The following MAP2 variants were observed in gnomAD, a reference collection of about 807,000 sequenced individuals.
The protein encoded by MAP2 is microtubule-associated protein 2.
MAP2 carries 14 observed loss-of-function variants against 137.6 expected under a neutral mutation model. The observed-to-expected ratio is 0.10, with a 90% CI of 0.07 to 0.16. MAP2 has a LOEUF of 0.16. MAP2 is among the 10% of genes least tolerant of loss of function. The probability of loss-of-function intolerance (pLI) is 1.00; values close to 1 mark genes in which losing one functional copy is unlikely to be tolerated. For missense variants in MAP2, 2,088 were observed against 2,191.5 expected, an observed-to-expected ratio of 0.95 and a Z score of 0.94; for synonymous variants, 786 against 782.3, an observed-to-expected ratio of 1.00 and a Z score of -0.08.
intron 2 of MAP2, among the ~76,000 whole-genome samples, chr2:209,534,269 G>C (rs575690208): frequency 1.3e-5 from 2 of 152,138 alleles, no homozygotes; most frequent in Non-Finnish European, 2.9e-5. Context: ...GTTACTGTTG[G>C]GATATCCATT....
chr2:209,540,625 C>T (rs551716079), intron 2 of MAP2, among the ~76,000 whole-genome samples: 49 of 46,558 alleles, frequency 1.1e-3, no homozygotes, highest in African/African-American at 6.9e-3. Context: ...AGTGAGACTC[C>T]GTCTCAAAAA....
chr2:209,653,654 C>T (rs1362351867), intron 5 of MAP2, among the ~76,000 whole-genome samples: 1 of 152,140 alleles, frequency 6.6e-6, no homozygotes, highest in Non-Finnish European at 1.5e-5. Flanking sequence ...TAATTTTTAT[C>T]ACGTGAATTT....
chr2:209,472,034 A>T (rs1025537098), intron 1 of MAP2, among the ~76,000 whole-genome samples: 2 of 152,154 alleles, frequency 1.3e-5, no homozygotes, highest in Non-Finnish European at 2.9e-5. Context: ...AATATGCTAG[A>T]TATGTTATGA....
intron 4 of MAP2, among the ~76,000 whole-genome samples, chr2:209,644,670 CAAAAA>C (rs68166330): frequency 4.4e-5 from 3 of 68,584 alleles, no homozygotes; most frequent in African/African-American, 8.1e-5. Context: ...GACCCTGTCT[CAAAAA>C]AAAAAAAAAA....
intron 13 of MAP2, among the ~76,000 whole-genome samples, chr2:209,724,442 A>G (rs1051724723): frequency 2.0e-5 from 3 of 152,192 alleles, no homozygotes; most frequent in Non-Finnish European, 4.4e-5. Context: ...ACTGTATTCT[A>G]CAGATCCTAT....
intron 5 of MAP2, among the ~76,000 whole-genome samples, chr2:209,657,074 C>T (rs1031306829): frequency 9.2e-5 from 14 of 152,138 alleles, no homozygotes; most frequent in Admixed American, 5.9e-4. Flanking sequence ...TAATGGTCTC[C>T]CGTTCCATCC....
intron 3 of MAP2, 33 bp from the exon 4 acceptor site, chr2:209,625,017 AGGG>A (rs2092022515): frequency 1.3e-5 from 2 of 152,178 alleles, no homozygotes; most frequent in African/African-American, 4.8e-5. Context: ...TATATGGATC[AGGG>A]ATTAAACTAT....
chr2:209,561,055 C>G (rs972023262), intron 2 of MAP2, among the ~76,000 whole-genome samples: 1 of 152,094 alleles, frequency 6.6e-6, no homozygotes, highest in Non-Finnish European at 1.5e-5. Context: ...ACTGTTACTT[C>G]TGACTATGGT....
In MAP2 at chr2:209,730,272, A is replaced by C; in HGVS notation, c.5359A>C (p.Ser1787Arg). The C allele has an allele frequency of 6.2e-7, 1 of 1,614,154 alleles. No homozygotes were observed. The highest frequency in any genetic ancestry group is 8.5e-7 in the Non-Finnish European group (1 of 1,180,014). ...CATTACACAGTCCCCAGGCAGATCC[A>C]GCGTGGCATCACCCCGACGACTCAG... ...EIITQSPGRS[S>R]VASPRRLSNV... Residue 1787 changes from serine to arginine, a missense_variant, in exon 16 of 16, where the codon AGC (serine) becomes CGC (arginine). Coordinates refer to ENST00000682079, the MANE Select transcript of MAP2 (RefSeq NM_001375505.1).
At chr2:209,426,551 A>G (rs1692633117) in intron 1 of MAP2, among the ~76,000 whole-genome samples, 1 of 152,178 alleles carries the variant, frequency 6.6e-6, no homozygotes, top group South Asian at 2.1e-4. Context: ...ATGTGCTGAA[A>G]GAGCATGACC....
chr2:209,616,328 C>G (rs1229254680), intron 3 of MAP2, among the ~76,000 whole-genome samples: 1 of 152,214 alleles, frequency 6.6e-6, no homozygotes, highest in African/African-American at 2.4e-5. Context: ...AGTTAGAAGG[C>G]TTAACCAATA....
intron 4 of MAP2, among the ~76,000 whole-genome samples, chr2:209,630,215 G>A (rs73071085): frequency 0.17 from 26,504 of 152,036 alleles, 3,440 homozygotes; most frequent in African/African-American, 0.36. Flanking sequence ...CTCAGAAACA[G>A]ATCTTATGAG....
At chr2:209,481,415 C>T (rs1180522213) in intron 1 of MAP2, among the ~76,000 whole-genome samples, 1 of 152,196 alleles carries the variant, frequency 6.6e-6, no homozygotes, top group Non-Finnish European at 1.5e-5. Flanking sequence ...CAGTAACTTC[C>T]TGTGGCTAGG....
At chr2:209,640,044 A>G (rs2093891876) in intron 4 of MAP2, among the ~76,000 whole-genome samples, 1 of 152,094 alleles carries the variant, frequency 6.6e-6, no homozygotes, top group Admixed American at 6.6e-5. Flanking sequence ...CAAAAACAAA[A>G]ATGTAGGATT....
At chr2:209,609,589 G>A (rs1237348911) in intron 3 of MAP2, among the ~76,000 whole-genome samples, 1 of 152,184 alleles carries the variant, frequency 6.6e-6, no homozygotes, top group Middle Eastern at 3.4e-3. Context: ...TACAATAGGT[G>A]GTCTTTTGTA....
intron 1 of MAP2, among the ~76,000 whole-genome samples, chr2:209,473,155 GGTCTGGTCT>G (rs962891202): frequency 2.5e-4 from 38 of 152,192 alleles, no homozygotes; most frequent in Admixed American, 2.3e-3. Flanking sequence ...GCTGTATTTT[GGTCTGGTCT>G]GTCTCAAGTA....
chr2:209,547,323 T>TC (rs2068279667), intron 2 of MAP2, among the ~76,000 whole-genome samples: 2 of 130,262 alleles, frequency 1.5e-5, no homozygotes, highest in African/African-American at 8.7e-5. Flanking sequence ...TCACCTGAAT[T>TC]CTTTTTTTTT....
intron 11 of MAP2, among the ~76,000 whole-genome samples, chr2:209,704,951 C>G (rs2062943201): frequency 6.6e-6 from 1 of 150,430 alleles, no homozygotes; most frequent in African/African-American, 2.4e-5. Flanking sequence ...TTGTACAGTA[C>G]AATAATAACA....
Position 209,694,955 on chromosome 2 carries a change from T to C in MAP2, c.2785T>C (p.Phe929Leu). Residue 929 changes from phenylalanine to leucine, a missense_variant, in exon 8 of 16, where the codon TTC (phenylalanine) becomes CTC (leucine). Phe to Leu is a conservative substitution (Grantham distance 22). This residue lies in a region of MAP2 where 500 missense variants were observed against 482.9 expected (regional missense o/e 1.04). Transcript: ENST00000682079. ...LAAAGRVKDE[F>L]SVDKEASAHI... is the part of the protein sequence containing the mutation. ...AGCAGCCGGAAGAGTCAAAGATGAG[T>C]TCAGTGTTGACAAAGAAGCATCCGC... 1 of 1,613,974 alleles carries C rather than the reference T, an allele frequency of 6.2e-7. No homozygotes were observed. The highest frequency in any genetic ancestry group is 8.5e-7 in the Non-Finnish European group (1 of 1,179,970).
Sources: gnomAD v4.1 joint callset for allele counts (sites outside exome capture counted in the v4.1 genomes callset) on GRCh38, gnomAD v4.1.1 for gene constraint, gnomAD v4.1.1 regional missense constraint, MANE v1.5 for transcripts, NCBI Gene and HGNC (gene_info 2026-07-23, HGNC 2026-07-21) for gene names.